Variants in OR2L13 observed in about 807,000 individuals in gnomAD.
The protein encoded by OR2L13 is olfactory receptor family 2 subfamily L member 13.
In OR2L13, 14 loss-of-function variants were observed where a neutral mutation model predicts 15.3. The observed-to-expected ratio is 0.91, with a 90% CI of 0.60 to 1.43. OR2L13 has a LOEUF of 1.43. Ranked by LOEUF, OR2L13 falls within the 40% of genes most tolerant of loss-of-function variation. The pLI, the probability that OR2L13 is intolerant of heterozygous loss-of-function variation, is 0.00. For missense variants in OR2L13, 367 were observed against 387.9 expected (o/e 0.95, Z 0.45); for synonymous variants, 152 against 142.9 (o/e 1.06, Z -0.45).
chr1:248,098,479 T>C (rs562432448), intron 1 of OR2L13, among the ~76,000 whole-genome samples, 172 bp from the exon 2 acceptor site: 3 of 152,362 alleles, frequency 2.0e-5, no homozygotes, highest in Non-Finnish European at 2.9e-5. Context: ...CAACTTTTCA[T>C]TGTTAGTGTT....
At chr1:248,099,983 G>A (rs1161216801) in exon 3 of OR2L13, 1 of 1,613,986 alleles carries the variant, frequency 6.2e-7, no homozygotes, top group Non-Finnish European at 8.5e-7. Flanking sequence ...GTAAGTACAA[G>A]CCTCTTTCTC....
At chr1:247,957,154 A>AG in the OR2L13 span, among the ~76,000 whole-genome samples, 7 of 151,640 alleles carry the variant, frequency 4.6e-5, no homozygotes, top group East Asian at 7.7e-4. Context: ...TTTAGCATGA[A>AG]CGTTGTTGAA....
At chr1:247,965,861 A>G in the OR2L13 span, 2 of 1,613,822 alleles carry the variant, frequency 1.2e-6, no homozygotes, top group Admixed American at 1.7e-5. Flanking sequence ...CATACATTGT[A>G]TGTGTTTCAG....
chr1:248,033,668 C>A, the OR2L13 span, among the ~76,000 whole-genome samples: 1 of 148,680 alleles, frequency 6.7e-6, no homozygotes, highest in Admixed American at 6.8e-5. Flanking sequence ...TCTCAATGTT[C>A]TGAGCTCAAG....
At chr1:248,095,420 A>G (rs1220920006), upstream of OR2L13, among the ~76,000 whole-genome samples, 1 of 152,010 alleles carries the variant, frequency 6.6e-6, no homozygotes, top group Non-Finnish European at 1.5e-5. Context: ...TTTCTTCCTC[A>G]TGAATTTTGG....
chr1:247,979,967 T>A, the OR2L13 span, among the ~76,000 whole-genome samples: 4 of 152,170 alleles, frequency 2.6e-5, no homozygotes, highest in African/African-American at 9.7e-5. Context: ...TATAAAAACA[T>A]CAAATTGTAA....
At chr1:248,039,243 A>G in the OR2L13 span, 7 of 1,563,134 alleles carry the variant, frequency 4.5e-6, 1 homozygote, top group South Asian at 3.6e-5. Context: ...CGCTAGGTTC[A>G]TATCAACTTA....
the OR2L13 span, among the ~76,000 whole-genome samples, chr1:248,088,875 C>G: frequency 6.6e-6 from 1 of 152,056 alleles, no homozygotes. Context: ...GAAAACAAAA[C>G]AAAAATAATG....
At chr1:248,070,322 C>CACTCAA in the OR2L13 span, among the ~76,000 whole-genome samples, 1 of 151,952 alleles carries the variant, frequency 6.6e-6, no homozygotes, top group African/African-American at 2.4e-5. Flanking sequence ...TTAAGAAACT[C>CACTCAA]ACTCAAAACC....
chr1:247,968,709 G>A, the OR2L13 span, among the ~76,000 whole-genome samples: 3 of 152,102 alleles, frequency 2.0e-5, no homozygotes, highest in Non-Finnish European at 4.4e-5. Flanking sequence ...ATTCCATGGT[G>A]TATATGTGCC....
chr1:247,982,484 C>A, the OR2L13 span, among the ~76,000 whole-genome samples: 2 of 152,194 alleles, frequency 1.3e-5, no homozygotes, highest in African/African-American at 2.4e-5. Flanking sequence ...TGCAATGATG[C>A]ATTCTGACTT....
At chr1:248,072,170 C>G in the OR2L13 span, among the ~76,000 whole-genome samples, 208 of 150,944 alleles carry the variant, frequency 1.4e-3, 5 homozygotes, top group East Asian at 0.016. Flanking sequence ...ACATTGCCAA[C>G]TCAATCCTAA....
At chr1:247,986,875 T>C in the OR2L13 span, among the ~76,000 whole-genome samples, 5,906 of 152,284 alleles carry the variant, frequency 0.039, 352 homozygotes, top group African/African-American at 0.13. Context: ...ATTGAATCTT[T>C]AAGTAACTTT....
At chr1:248,092,248 C>G (rs1282305621), upstream of OR2L13, among the ~76,000 whole-genome samples, 1 of 152,150 alleles carries the variant, frequency 6.6e-6, no homozygotes, top group African/African-American at 2.4e-5. Flanking sequence ...TTCCTTCCTT[C>G]CTGTTTAAAT....
the OR2L13 span, among the ~76,000 whole-genome samples, chr1:247,941,730 A>G: frequency 6.6e-6 from 1 of 152,200 alleles, no homozygotes; most frequent in African/African-American, 2.4e-5. Flanking sequence ...TGGTACCTAT[A>G]GAACCTAGTG....
At chr1:248,060,088 A>G in the OR2L13 span, among the ~76,000 whole-genome samples, 1 of 152,274 alleles carries the variant, frequency 6.6e-6, no homozygotes, top group South Asian at 2.1e-4. Flanking sequence ...TCATCCTATA[A>G]AGATAATACT....
At chr1:247,952,395 G>A in the OR2L13 span, among the ~76,000 whole-genome samples, 16 of 152,268 alleles carry the variant, frequency 1.1e-4, no homozygotes, top group African/African-American at 3.6e-4. Context: ...GGCCTTTTGG[G>A]AAATGATTAG....
the OR2L13 span, chr1:247,966,242 T>A: frequency 6.2e-7 from 1 of 1,613,186 alleles, no homozygotes; most frequent in African/African-American, 1.3e-5. Flanking sequence ...AACCCATTTA[T>A]CTACAGCCTG....
the OR2L13 span, chr1:248,003,361 TC>T: frequency 6.2e-7 from 1 of 1,606,600 alleles, no homozygotes; most frequent in Non-Finnish European, 8.5e-7. Context: ...CCACCATTGT[TC>T]CTAAGATGGC....
Sources: allele counts gnomAD v4.1 joint callset (sites outside exome capture counted in the v4.1 genomes callset), GRCh38; gene constraint gnomAD v4.1.1; transcripts MANE v1.5; gene names NCBI Gene and HGNC (gene_info 2026-07-23, HGNC 2026-07-21).